RIPOR2: variants seen among roughly 807,000 people sequenced by gnomAD.
RIPOR2 encodes the protein rho family-interacting cell polarization regulator 2.
A neutral mutation model predicts 114.5 loss-of-function variants in RIPOR2; 39 were observed. The ratio of observed to expected loss-of-function variants is 0.34; its 90% CI spans 0.26 to 0.44. The LOEUF (loss-of-function observed/expected upper bound fraction) is 0.44, where lower values mean the gene tolerates loss of function less well. RIPOR2 is among the 20% of genes least tolerant of loss of function. The pLI, the probability that RIPOR2 is intolerant of heterozygous loss-of-function variation, is 1.00. For synonymous variants in RIPOR2, 445 were observed against 484.4 expected (o/e 0.92, Z 1.07); for missense variants, 1,007 against 1,255.1 (o/e 0.80, Z 2.99).
chr6:24,955,965 C>A lies in RIPOR2; in HGVS notation c.77-80148G>T, dbSNP rs1028957421. The stretch of plus-strand genomic sequence containing the variant: ...CGGAGGTTGCAGTGAGCCAAGATTG[C>A]AGCAACCGCACTCCAGCCTGGGCGA... On this transcript the variant is annotated intron_variant, in intron 1 of 13. Coordinates refer to the RIPOR2 transcript ENST00000510784. 2.0e-5 allele frequency among the ~76,000 whole-genome samples: 3 copies of A among 146,708 alleles called. No individual in the cohort carries two copies. The East Asian group carries it at 6.0e-4, about 29-fold the overall frequency.
intron 1 of RIPOR2, among the ~76,000 whole-genome samples, chr6:24,967,361 T>G (rs1423099927): frequency 1.3e-5 from 2 of 152,166 alleles, no homozygotes; most frequent in Non-Finnish European, 2.9e-5. Flanking sequence ...CCAAGTACAG[T>G]ATAAAGGATA....
intron 1 of RIPOR2, among the ~76,000 whole-genome samples, chr6:24,990,292 T>C (rs1478297150): frequency 6.6e-6 from 1 of 152,208 alleles, no homozygotes. Context: ...CAAATCAACT[T>C]TAATAGGTGG....
chr6:24,966,385 C>T (rs971724235), intron 1 of RIPOR2, among the ~76,000 whole-genome samples: 9 of 152,140 alleles, frequency 5.9e-5, no homozygotes, highest in Non-Finnish European at 1.3e-4. Context: ...TTTCATCATT[C>T]TTATTAATAT....
At chr6:24,965,934 T>G (rs1773509524) in intron 1 of RIPOR2, among the ~76,000 whole-genome samples, 1 of 152,170 alleles carries the variant, frequency 6.6e-6, no homozygotes, top group African/African-American at 2.4e-5. Flanking sequence ...TTGCAAGAGT[T>G]TCAAACTCTA....
At chr6:24,887,872 A>G (rs1766977083) in intron 1 of RIPOR2, among the ~76,000 whole-genome samples, 1 of 152,194 alleles carries the variant, frequency 6.6e-6, no homozygotes, top group Non-Finnish European at 1.5e-5. Context: ...CACGATAATT[A>G]GAAGAGAAAT....
At chr6:24,849,558 AGAG>A (rs1762650510) in intron 11 of RIPOR2, among the ~76,000 whole-genome samples, 1 of 152,200 alleles carries the variant, frequency 6.6e-6, no homozygotes, top group Non-Finnish European at 1.5e-5. Flanking sequence ...AGGAAGTAGA[AGAG>A]GAGATTGGTG....
At chr6:24,857,644 G>T (rs1290726915) in intron 8 of RIPOR2, among the ~76,000 whole-genome samples, 1 of 152,068 alleles carries the variant, frequency 6.6e-6, no homozygotes, top group African/African-American at 2.4e-5. Context: ...TCCTATTACA[G>T]GTGTTACTGA....
In RIPOR2 at chr6:24,852,413, AG is replaced by A. The variant is rs34570473; in HGVS notation, c.759+161del. Reference sequence around the variant, plus strand: ...GAATCTAGATGAAAGGTTTATGGGAAGTCCTGTACCAGTTTCCAGACTTTCT... The same window carrying A: ...GAATCTAGATGAAAGGTTTATGGGAATCCTGTACCAGTTTCCAGACTTTCT... On this transcript the variant is annotated intron_variant, in intron 9 of 21. Coordinates refer to ENST00000643898, the MANE Select transcript of RIPOR2 (RefSeq NM_001286445.3). 0.06 allele frequency among the ~76,000 whole-genome samples: 9,165 copies of A among 152,178 alleles called. 447 individuals are homozygous for A. The highest frequency in any genetic ancestry group is 0.14 in the African/African-American group (5,628 of 41,478).
intron 1 of RIPOR2, among the ~76,000 whole-genome samples, chr6:24,941,056 C>G (rs1005205172): frequency 1.3e-5 from 2 of 152,084 alleles, no homozygotes; most frequent in African/African-American, 2.4e-5. Context: ...GAAAACCCTC[C>G]CAGAGCCTTT....
At position 25,024,835 on chromosome 6, in the gene RIPOR2, A is replaced by T. The variant is rs574919569; in HGVS notation, c.76+17016T>A. On this transcript the variant is annotated intron_variant, in intron 1 of 13. Coordinates refer to the RIPOR2 transcript ENST00000510784. ...TAGATTTTGCCAATGCTTTGCCTTC[A>T]GTTTCCTCTTTATGCCTGTTTTAAT... 2.0e-5 allele frequency among the ~76,000 whole-genome samples: 3 copies of T among 152,310 alleles called. No individual in the cohort carries two copies. The East Asian group carries it at 5.8e-4, about 29-fold the overall frequency.
chr6:24,964,435 C>T (rs952235359), intron 1 of RIPOR2, among the ~76,000 whole-genome samples: 1 of 152,140 alleles, frequency 6.6e-6, no homozygotes, highest in Non-Finnish European at 1.5e-5. Flanking sequence ...GCATGTTGAC[C>T]TCAAGGTCCA....
intron 1 of RIPOR2, among the ~76,000 whole-genome samples, chr6:24,944,253 T>G (rs1772295994): frequency 6.6e-6 from 1 of 152,170 alleles, no homozygotes; most frequent in South Asian, 2.1e-4. Context: ...AGTTGTAAAG[T>G]GCTTAACTGA....
intron 8 of RIPOR2, among the ~76,000 whole-genome samples, chr6:24,853,812 G>A (rs147293473): frequency 1.5e-3 from 230 of 152,190 alleles, no homozygotes; most frequent in African/African-American, 5.0e-3. Flanking sequence ...AATGAAAGAC[G>A]TAATCTATAT....
intron 1 of RIPOR2, among the ~76,000 whole-genome samples, chr6:25,024,644 C>T (rs1490737382): frequency 6.6e-6 from 1 of 152,182 alleles, no homozygotes; most frequent in African/African-American, 2.4e-5. Context: ...CTTCTGGAAG[C>T]AGTGTGGCCC....
chr6:24,820,899 G>A (rs1202131168), intron 19 of RIPOR2, among the ~76,000 whole-genome samples: 2 of 112,832 alleles, frequency 1.8e-5, no homozygotes, highest in Non-Finnish European at 3.4e-5. Flanking sequence ...TTTTGAGAGA[G>A]TCTCTCTTGG....
At chr6:24,914,842 A>G (rs1190129133) in intron 1 of RIPOR2, among the ~76,000 whole-genome samples, 1 of 152,208 alleles carries the variant, frequency 6.6e-6, no homozygotes, top group East Asian at 1.9e-4. Context: ...AAGAACTTAG[A>G]CCATGCCTGA....
In RIPOR2 at chr6:25,023,532, C is replaced by G. The variant is rs1057195819; in HGVS notation, c.76+18319G>C. ...GGGCTATGCCAGAAAGCGGTGTACA[C>G]CAGCTCAGCAAATTTCAAGCCCAGG... On this transcript the variant is annotated intron_variant, in intron 1 of 13. Transcript: ENST00000510784. 1.3e-4 allele frequency: 104 copies of G among 773,498 alleles called. 1 individual carries two copies. In the African/African-American group the frequency reaches 1.5e-3, roughly 11 times the overall value. 47.9% of individuals were successfully genotyped at this position (773,498 alleles called of 1,614,324 possible).
At chr6:24,854,949 C>T (rs1295289722) in intron 8 of RIPOR2, among the ~76,000 whole-genome samples, 3 of 147,490 alleles carry the variant, frequency 2.0e-5, no homozygotes, top group Non-Finnish European at 4.5e-5. Context: ...ATCGCTTGAA[C>T]CTGGGAGGCG....
At chr6:24,847,668 G>A (rs1229720720) in intron 12 of RIPOR2, 1 of 1,551,554 alleles carries the variant, frequency 6.4e-7, no homozygotes, top group Non-Finnish European at 8.7e-7. Context: ...GCCTGGGCTT[G>A]TCTGGGGAAG....
Sources: gnomAD v4.1 joint callset for allele counts (sites outside exome capture counted in the v4.1 genomes callset) on GRCh38, gnomAD v4.1.1 for gene constraint, MANE v1.5 for transcripts, NCBI Gene and HGNC (gene_info 2026-07-23, HGNC 2026-07-21) for gene names.